The following MYO16 variants were observed in gnomAD, a reference collection of about 807,000 sequenced individuals.
The protein encoded by MYO16 is myosin XVI.
Under a neutral mutation model 205.3 loss-of-function variants are expected in MYO16, and 94 were observed. The ratio of observed to expected loss-of-function variants is 0.46; its 90% CI spans 0.39 to 0.54. MYO16 has a LOEUF of 0.54. MYO16 is among the 20% of genes least tolerant of loss of function. The probability of loss-of-function intolerance (pLI) is 0.00; values close to 1 mark genes in which losing one functional copy is unlikely to be tolerated. For missense variants in MYO16, 2,315 were observed against 2,387.5 expected (o/e 0.97, Z 0.63); for synonymous variants, 988 against 954.0 (o/e 1.04, Z -0.66).
intron 4 of MYO16, among the ~76,000 whole-genome samples, chr13:108,763,945 GA>G (rs1368253427): frequency 1.3e-5 from 2 of 149,012 alleles, no homozygotes; most frequent in Non-Finnish European, 3.0e-5. Flanking sequence ...GATTTTTCGA[GA>G]AAAAGGCTAC....
the MYO16 span, among the ~76,000 whole-genome samples, chr13:108,541,583 T>C: frequency 6.6e-6 from 1 of 152,038 alleles, no homozygotes; most frequent in Non-Finnish European, 1.5e-5. Flanking sequence ...CTTTTAAACA[T>C]TTTACCATAA....
chr13:109,033,043 A>G (rs1886594260), intron 23 of MYO16, among the ~76,000 whole-genome samples: 1 of 152,148 alleles, frequency 6.6e-6, no homozygotes, highest in African/African-American at 2.4e-5. Context: ...GCGTATTTAT[A>G]AGAGAACTAA....
chr13:108,682,807 T>C (rs905260966), intron 2 of MYO16, among the ~76,000 whole-genome samples: 7 of 152,148 alleles, frequency 4.6e-5, no homozygotes, highest in Non-Finnish European at 7.4e-5. Context: ...GCTGAAGTCT[T>C]GCTCTTTTTA....
chr13:108,509,111 A>C, the MYO16 span, among the ~76,000 whole-genome samples: 1 of 152,228 alleles, frequency 6.6e-6, no homozygotes, highest in Non-Finnish European at 1.5e-5. Flanking sequence ...ATCAAAGATA[A>C]ATTTTAGTAA....
intron 27 of MYO16, among the ~76,000 whole-genome samples, chr13:109,076,741 T>C (rs1888119531): frequency 6.6e-6 from 1 of 152,112 alleles, no homozygotes; most frequent in Non-Finnish European, 1.5e-5. Flanking sequence ...CCAGTGAGCC[T>C]GCAGCATGAC....
chr13:108,659,074 G>A (rs914433663), intron 1 of MYO16, among the ~76,000 whole-genome samples: 4 of 149,146 alleles, frequency 2.7e-5, no homozygotes, highest in African/African-American at 9.9e-5. Flanking sequence ...TTTTTTTTTA[G>A]TTCATTTTCC....
chr13:108,834,166 C>A (rs140123888), intron 9 of MYO16, among the ~76,000 whole-genome samples: 389 of 152,198 alleles, frequency 2.6e-3, no homozygotes, highest in Admixed American at 4.4e-3. Flanking sequence ...GAGCTCAATT[C>A]TACTGAACAA....
chr13:109,020,003 T>A, intron 23 of MYO16, 92 bp downstream of exon 23: 1 of 1,294,890 alleles, frequency 7.7e-7, no homozygotes, highest in Non-Finnish European at 1.1e-6. Context: ...TTAAGGTGTG[T>A]TATTTGGATA....
the MYO16 span, among the ~76,000 whole-genome samples, chr13:108,541,004 G>A: frequency 6.6e-6 from 1 of 152,082 alleles, no homozygotes; most frequent in African/African-American, 2.4e-5. Flanking sequence ...ATACTCTTAG[G>A]TGACATAAAT....
chr13:108,635,505 T>G (rs1182425177), intron 1 of MYO16, among the ~76,000 whole-genome samples: 2 of 139,204 alleles, frequency 1.4e-5, no homozygotes, highest in African/African-American at 2.7e-5. Flanking sequence ...GTTTACCTAT[T>G]TATTTTTTTT....
intron 12 of MYO16, among the ~76,000 whole-genome samples, chr13:108,867,181 C>CA (rs1477183634): frequency 3.3e-5 from 5 of 149,712 alleles, no homozygotes; most frequent in Non-Finnish European, 5.9e-5. Flanking sequence ...CCCATCTCTG[C>CA]AAAAAACAAA....
intron 12 of MYO16, among the ~76,000 whole-genome samples, chr13:108,866,838 A>G (rs1468248189): frequency 6.6e-6 from 1 of 152,148 alleles, no homozygotes; most frequent in Non-Finnish European, 1.5e-5. Context: ...ACAGAACAGG[A>G]GGCTGCCTGA....
rs1219539494 is a variant in MYO16 at position 109,127,065 on chromosome 13, C to T, written c.3783-217C>T. Among the ~76,000 whole-genome samples, 5 of 152,130 alleles carry T rather than the reference C, an allele frequency of 3.3e-5. No individual in the cohort carries two copies. Among genetic ancestry groups the T allele is most frequent in the Admixed American group, 1.3e-4 (2 of 15,280 alleles). ...GTAATCATGATGGATATCCCGCGGG[C>T]TCATGTGCTTTTCATCACAAAGCCG... On this transcript the variant is annotated intron_variant, in intron 30 of 34. Coordinates refer to ENST00000457511, the MANE Select transcript of MYO16 (RefSeq NM_001198950.3). The surrounding 1 kb of genome is among the most constrained non-coding windows in gnomAD (Gnocchi z 4.2).
At position 109,127,985 on chromosome 13, in the gene MYO16, T is replaced by A. The variant is rs1876349136; in HGVS notation, c.4051+435T>A. Among the ~76,000 whole-genome samples, 1 of 152,190 alleles carries A rather than the reference T, an allele frequency of 6.6e-6. No homozygotes were observed. The highest frequency in any genetic ancestry group is 2.1e-4 in the South Asian group (1 of 4,834). On this transcript the variant is annotated intron_variant, in intron 31 of 34. Transcript: ENST00000457511. The surrounding 1 kb of genome is among the most constrained non-coding windows in gnomAD (Gnocchi z 4.2). ...TAGGAGAGTCATCGTGCAGGAAACT[T>A]CTGTTAGGAAAACTTTTGAGACTAG... is the stretch of plus-strand genomic sequence containing the variant.
At chr13:108,795,050 T>C (rs1886742752) in intron 6 of MYO16, among the ~76,000 whole-genome samples, 1 of 152,116 alleles carries the variant, frequency 6.6e-6, no homozygotes, top group South Asian at 2.1e-4. Flanking sequence ...TAAAAATGTG[T>C]TGTTTTCTTA....
rs77615615 is a variant in MYO16 at position 108,913,562 on chromosome 13, T to C, written c.1925+3412T>C. Among the ~76,000 whole-genome samples, 1,237 of 152,366 alleles carry C rather than the reference T, an allele frequency of 8.1e-3. 14 individuals carry two copies. The highest frequency in any genetic ancestry group is 0.028 in the African/African-American group (1,173 of 41,590). ...TTTGGCTTGTTCACAATTAGAAATGTAAACCTGAATTTGCGAGCTTTCTAA... is the reference window on the plus strand; with the variant it reads ...TTTGGCTTGTTCACAATTAGAAATGCAAACCTGAATTTGCGAGCTTTCTAA... On this transcript the variant is annotated intron_variant, in intron 16 of 34. Transcript: ENST00000457511.
In MYO16 at chr13:108,772,872, G is replaced by C. The variant is rs193208547; in HGVS notation, c.508-12763G>C. On this transcript the variant is annotated intron_variant, in intron 4 of 34. Coordinates refer to ENST00000457511, the MANE Select transcript of MYO16 (RefSeq NM_001198950.3). ...GGAGAGAGAGCATGAACAAAAATAG[G>C]GGAAAATATAAATGATGGGTGAGTT... 4.4e-3 allele frequency among the ~76,000 whole-genome samples: 669 copies of C among 152,178 alleles called. 8 individuals carry two copies. Among genetic ancestry groups the C allele is most frequent in the Non-Finnish European group, 3.5e-3 (236 of 68,006 alleles).
the MYO16 span, among the ~76,000 whole-genome samples, chr13:108,523,484 C>T: frequency 6.6e-6 from 1 of 152,148 alleles, no homozygotes; most frequent in Admixed American, 6.5e-5. Context: ...CCTGATTCAT[C>T]TCCTTAGCAC....
intron 14 of MYO16, among the ~76,000 whole-genome samples, chr13:108,889,208 C>T (rs938011560): frequency 1.3e-5 from 2 of 151,378 alleles, no homozygotes; most frequent in Non-Finnish European, 2.9e-5. Flanking sequence ...TTAAAGACTT[C>T]GATGGGCAGG....
Sources: allele counts gnomAD v4.1 joint callset (sites outside exome capture counted in the v4.1 genomes callset), GRCh38; gene constraint gnomAD v4.1.1; non-coding constraint Gnocchi (gnomAD v3.1); transcripts MANE v1.5; gene names NCBI Gene and HGNC (gene_info 2026-07-23, HGNC 2026-07-21).